PKNOX1: variants seen among roughly 807,000 people sequenced by gnomAD.
PKNOX1 encodes the protein PBX/knotted 1 homeobox 1, also known as homeobox protein PKNOX1.
In PKNOX1, 15 loss-of-function variants were observed where a neutral mutation model predicts 51.9. The observed-to-expected ratio is 0.29, with a 90% CI of 0.19 to 0.45. The LOEUF (loss-of-function observed/expected upper bound fraction) is 0.45, where lower values mean the gene tolerates loss of function less well. Among genes scored for constraint, PKNOX1 ranks in the 20% least tolerant of loss-of-function variants. The pLI is 1.00. For synonymous variants in PKNOX1, 219 were observed against 211.1 expected (o/e 1.04, Z -0.32); for missense variants, 462 against 547.5 (o/e 0.84, Z 1.56).
At chr21:43,014,949 A>G (rs540971909) in intron 5 of PKNOX1, among the ~76,000 whole-genome samples, 14 of 152,376 alleles carry the variant, frequency 9.2e-5, no homozygotes, top group African/African-American at 3.4e-4. Context: ...CTGTATATCA[A>G]TCTGGGGAGA....
At chr21:43,002,166 T>A (rs1230873042) in intron 1 of PKNOX1, among the ~76,000 whole-genome samples, 1 of 152,068 alleles carries the variant, frequency 6.6e-6, no homozygotes, top group Non-Finnish European at 1.5e-5. Context: ...TAGACGTGTC[T>A]TTTTGGAGGA....
chr21:43,020,395 G>A (rs1190039721), intron 7 of PKNOX1: 1 of 152,312 alleles, frequency 6.6e-6, no homozygotes, highest in Non-Finnish European at 1.5e-5. Flanking sequence ...TGTGAGGGAG[G>A]CCGTGCCAGG....
At chr21:43,015,299 C>T (rs1381263404) in intron 5 of PKNOX1, among the ~76,000 whole-genome samples, 4 of 152,088 alleles carry the variant, frequency 2.6e-5, no homozygotes, top group African/African-American at 9.7e-5. Context: ...TTATTTTGTT[C>T]AATTTTGTTA....
At chr21:43,004,661 G>T (rs1045951225) in intron 2 of PKNOX1, among the ~76,000 whole-genome samples, 4 of 152,164 alleles carry the variant, frequency 2.6e-5, no homozygotes, top group African/African-American at 9.7e-5. Context: ...TCATATGACA[G>T]TTTCTTGGGA....
Position 43,006,380 on chromosome 21 carries a change from C to A in PKNOX1, c.52-1111C>A, listed in dbSNP as rs371469792. On this transcript the variant is annotated intron_variant, in intron 2 of 10. Transcript: ENST00000291547. ...ACCTCAGGTGATCCGCCCACCTTGG[C>A]CTCCCAAAGTGCTGGGATCACAGGC... Among the ~76,000 whole-genome samples the A allele has an allele frequency of 5.3e-5, 8 of 152,328 alleles. No individual in the cohort carries two copies. In the South Asian group the frequency reaches 6.2e-4, roughly 12 times the overall value.
chr21:42,983,942 A>G (rs2059038973), intron 1 of PKNOX1, among the ~76,000 whole-genome samples: 1 of 151,958 alleles, frequency 6.6e-6, no homozygotes, highest in African/African-American at 2.4e-5. Context: ...TTTGATTTGT[A>G]TTTCCCTAAT....
At chr21:42,994,918 C>CTTTTTTT (rs11361350) in intron 1 of PKNOX1, among the ~76,000 whole-genome samples, 9 of 113,600 alleles carry the variant, frequency 7.9e-5, no homozygotes, top group African/African-American at 1.7e-4. Flanking sequence ...TTTCTTTCTT[C>CTTTTTTT]TTTTTTTTTT....
At chr21:43,025,182 C>T (rs234720) in intron 9 of PKNOX1, among the ~76,000 whole-genome samples, 64,809 of 151,946 alleles carry the variant, frequency 0.43, 14,048 homozygotes, top group Non-Finnish European at 0.46. Context: ...TCACTGCACC[C>T]GACTAAAAAT....
At chr21:43,028,326 A>G (rs1165485919) in intron 9 of PKNOX1, among the ~76,000 whole-genome samples, 1 of 152,142 alleles carries the variant, frequency 6.6e-6, no homozygotes, top group Non-Finnish European at 1.5e-5. Flanking sequence ...GGCACTACAG[A>G]AAGTCTTGCT....
chr21:42,974,700 G>T (rs943868559), intron 1 of PKNOX1, 36 bp downstream of exon 1: 8 of 165,880 alleles, frequency 4.8e-5, no homozygotes, highest in Admixed American at 6.6e-5. Flanking sequence ...CGCCGCCGCC[G>T]CCGCTCTCGC....
In PKNOX1 at chr21:43,010,199, G is replaced by T. The variant is rs986494020; in HGVS notation, c.326G>T (p.Cys109Phe). ...GAGAAGGAAGGGAAACCTTTCTTTT[G>T]TGAAGATCCAGAAACTGATAATTTA... ...KQEKEGKPFF[C>F]EDPETDNLMV... Residue 109 changes from cysteine to phenylalanine, a missense_variant, in exon 4 of 11, where the codon TGT becomes TTT. Physicochemically the swap from Cys to Phe is radical, Grantham distance 205 (BLOSUM62 -2). Transcript: ENST00000291547. 9.5e-6 allele frequency: 15 copies of T among 1,578,180 alleles called. No individual in the cohort carries two copies. The Admixed American group carries it at 2.6e-4, about 27-fold the overall frequency.
Position 43,030,074 on chromosome 21 carries a change from C to G in PKNOX1, c.1284C>G (p.Val428=). 1 of 1,605,792 alleles carries G rather than the reference C, an allele frequency of 6.2e-7. No individual in the cohort carries two copies. Among genetic ancestry groups the G allele is most frequent in the Non-Finnish European group, 8.5e-7 (1 of 1,173,212 alleles). Residue 428 remains valine (V), a synonymous_variant, in exon 11 of 11, where the codon GTC becomes GTG. Coordinates refer to ENST00000291547, the MANE Select transcript of PKNOX1 (RefSeq NM_004571.5). ...ALAPAHISGL[V]LENSDSLQ is the part of the protein sequence containing the mutation. ...CCCCTGCCCACATCAGCGGGCTGGTCTTGGAGAACAGTGACTCCCTGCAGT... is the reference window on the plus strand; with the variant it reads ...CCCCTGCCCACATCAGCGGGCTGGTGTTGGAGAACAGTGACTCCCTGCAGT...
chr21:42,980,728 T>C (rs950706370), intron 1 of PKNOX1, among the ~76,000 whole-genome samples: 2 of 152,244 alleles, frequency 1.3e-5, no homozygotes, highest in African/African-American at 2.4e-5. Context: ...CGGATTGAGC[T>C]GTGGCTCTGG....
At chr21:43,001,057 G>C (rs1051897254) in intron 1 of PKNOX1, among the ~76,000 whole-genome samples, 3 of 152,284 alleles carry the variant, frequency 2.0e-5, no homozygotes, top group African/African-American at 7.2e-5. Context: ...TGGAGGGAAA[G>C]CAGAGATTTG....
chr21:42,983,352 C>T (rs554135935), intron 1 of PKNOX1, among the ~76,000 whole-genome samples: 23 of 152,222 alleles, frequency 1.5e-4, no homozygotes, highest in African/African-American at 5.1e-4. Context: ...CTCTGAATTT[C>T]GCTACTATAG....
intron 5 of PKNOX1, 76 bp downstream of exon 5, chr21:43,013,314 C>G: frequency 9.2e-7 from 1 of 1,092,870 alleles, no homozygotes; most frequent in Non-Finnish European, 1.3e-6. Context: ...ACCACCAGCT[C>G]TTTCAGAATT....
chr21:42,976,846 CAGA>C (rs1402536132), intron 1 of PKNOX1, among the ~76,000 whole-genome samples: 1 of 152,122 alleles, frequency 6.6e-6, no homozygotes, highest in Non-Finnish European at 1.5e-5. Flanking sequence ...AGATTCTTTC[CAGA>C]AGGTTTTCAG....
chr21:42,995,343 T>A (rs1978452961), intron 1 of PKNOX1, among the ~76,000 whole-genome samples: 1 of 151,952 alleles, frequency 6.6e-6, no homozygotes, highest in Non-Finnish European at 1.5e-5. Flanking sequence ...GCCAGTAGAG[T>A]GTATCCTTTT....
At position 43,010,204 on chromosome 21, in the gene PKNOX1, G is replaced by A. The variant is rs912091987; in HGVS notation, c.331G>A (p.Asp111Asn). The A allele has an allele frequency of 2.5e-6, 4 of 1,570,290 alleles. No homozygotes were observed. Among genetic ancestry groups the A allele is most frequent in the African/African-American group, 2.7e-5 (2 of 73,032 alleles). Residue 111 changes from aspartate to asparagine, a missense_variant, in exon 4 of 11, where the codon GAT becomes AAT. Coordinates refer to ENST00000291547, the MANE Select transcript of PKNOX1 (RefSeq NM_004571.5). ...EKEGKPFFCE[D>N]PETDNLMVKA... ...GGAAGGGAAACCTTTCTTTTGTGAA[G>A]ATCCAGAAACTGATAATTTAGTAAG...
Sources: gnomAD v4.1 joint callset for allele counts (sites outside exome capture counted in the v4.1 genomes callset) on GRCh38, gnomAD v4.1.1 for gene constraint, MANE v1.5 for transcripts, NCBI Gene and HGNC (gene_info 2026-07-23, HGNC 2026-07-21) for gene names.